Variants in APC observed in about 807,000 individuals in gnomAD.
APC encodes APC regulator of Wnt signaling pathway, also known as adenomatous polyposis coli protein.
A neutral mutation model predicts 247.0 loss-of-function variants in APC; 72 were observed. The observed-to-expected ratio is 0.29, with a 90% CI of 0.24 to 0.35. APC has a LOEUF of 0.35. Ranked by LOEUF, APC falls within the 10% of genes least tolerant of loss-of-function variation. The probability of loss-of-function intolerance (pLI) is 1.00; values close to 1 mark genes in which losing one functional copy is unlikely to be tolerated. For missense variants in APC, 3,400 were observed against 3,360.7 expected, an observed-to-expected ratio of 1.01 and a Z score of -0.29; for synonymous variants, 1,254 against 1,162.5, an observed-to-expected ratio of 1.08 and a Z score of -1.60.
chr5:112,824,341 T>C (rs1221641719), intron 11 of APC, among the ~76,000 whole-genome samples: 1 of 152,252 alleles, frequency 6.6e-6, no homozygotes, highest in Non-Finnish European at 1.5e-5. Context: ...AATCCATTTA[T>C]AGGTTTAACC....
In APC at chr5:112,815,518, T is replaced by C. The variant is rs876659340; in HGVS notation, c.858T>C (p.His286=). The C allele has an allele frequency of 6.2e-7, 1 of 1,612,068 alleles. No homozygotes were observed. Among genetic ancestry groups the C allele is most frequent in the Non-Finnish European group, 8.5e-7 (1 of 1,178,632 alleles). Residue 286 remains histidine (H), a synonymous_variant, in exon 9 of 16, where the codon CAT becomes CAC. Coordinates refer to ENST00000257430, the MANE Select transcript of APC (RefSeq NM_000038.6). ...NGQGSTTRMD[H]ETASVLSSSS... is the part of the protein sequence containing the mutation. Reference sequence around the variant, plus strand: ...AGGGTTCAACTACACGAATGGACCATGAAACAGCCAGTGTTTTGAGTTCTA... The same window carrying C: ...AGGGTTCAACTACACGAATGGACCACGAAACAGCCAGTGTTTTGAGTTCTA...
At chr5:112,810,428 A>G (rs749622616) in intron 8 of APC, 13 of 201,132 alleles carry the variant, frequency 6.5e-5, no homozygotes, top group Admixed American at 1.7e-4. Context: ...ACAGTTTTAT[A>G]TGATACAAAA....
chr5:112,801,144 A>G, intron 7 of APC, 135 bp from the exon 8 acceptor site: 2 of 652,826 alleles, frequency 3.1e-6, no homozygotes, highest in Admixed American at 2.5e-5. Flanking sequence ...ATGAAGTGTA[A>G]TACACAGTTC....
In APC at chr5:112,843,098, G is replaced by A. The variant is rs2229995; in HGVS notation, c.7504G>A (p.Gly2502Ser). Residue 2502 changes from glycine (G) to serine (S), a missense_variant, in exon 16 of 16, where the codon GGT becomes AGT. By Grantham distance (56) the Gly-to-Ser change is moderately conservative. Transcript: ENST00000257430. This position sits in a 1 kb window ranked among gnomAD's most constrained non-coding sequence, Gnocchi z 4.8. ...ATCCACACATTCGTCTGTTCAGGCT[G>A]GTGGATGGCGAAAACTCCCACCTAA... is the stretch of plus-strand genomic sequence containing the variant. The part of the protein sequence containing the change: ...SLSTHSSVQA[G>S]GWRKLPPNLS... 0.02 allele frequency: 32,195 copies of A among 1,613,962 alleles called. 412 individuals carry two copies. Among genetic ancestry groups the A allele is most frequent in the South Asian group, 0.026 (2,407 of 91,076 alleles).
chr5:112,817,387 A>G (rs772549685), intron 9 of APC, among the ~76,000 whole-genome samples: 1 of 152,184 alleles, frequency 6.6e-6, no homozygotes, highest in Non-Finnish European at 1.5e-5. Context: ...TATTCTCACT[A>G]TGAGGCTTAA....
At chr5:112,726,305 C>T (rs752565346) in intron 1 of APC, among the ~76,000 whole-genome samples, 1 of 152,088 alleles carries the variant, frequency 6.6e-6, no homozygotes, top group Non-Finnish European at 1.5e-5. Flanking sequence ...TGGGTTTTAT[C>T]GAGTTGTGGA....
Position 112,775,612 on chromosome 5 carries a change from T to TTAA in APC, c.423-17_423-16insTAA. 2.6e-6 allele frequency: 3 copies of TTAA among 1,171,330 alleles called. No individual in the cohort carries two copies. Among genetic ancestry groups the TTAA allele is most frequent in the Non-Finnish European group, 2.4e-6 (2 of 835,082 alleles). 72.6% of individuals were successfully genotyped at this position (1,171,330 alleles called of 1,614,324 possible). On this transcript the variant is annotated splice_polypyrimidine_tract_variant and intron_variant, in intron 4 of 15. Coordinates refer to ENST00000257430, the MANE Select transcript of APC (RefSeq NM_000038.6). ...AGCATTGTTTAAACGTACCTTTTTTTAAAAAAAAAAAAATAGGTCATTGCT... is the reference window on the plus strand; with the variant it reads ...AGCATTGTTTAAACGTACCTTTTTTTTAAAAAAAAAAAAAAATAGGTCATTGCT...
Position 112,707,668 on chromosome 5 carries a change from G to C in APC, c.-50G>C, listed in dbSNP as rs778974265. On this transcript the variant is annotated 5_prime_UTR_variant, in exon 1 of 14. Transcript: ENST00000507379. The stretch of plus-strand genomic sequence containing the variant: ...TTCCCAGGTACTGTTGTTGGCTGTT[G>C]GTGAGGAAGGTGAAGCACTCAGTTG... 4.4e-6 allele frequency: 6 copies of C among 1,369,410 alleles called. No individual in the cohort carries two copies. The South Asian group carries it at 7.3e-5, about 17-fold the overall frequency. 84.8% of individuals were successfully genotyped at this position (1,369,410 alleles called of 1,614,324 possible). A position where few individuals can be genotyped will look rare whatever the true frequency, so the allele number is the denominator to read the frequency against.
chr5:112,721,068 G>C (rs1453574197), intron 1 of APC, among the ~76,000 whole-genome samples: 1 of 152,122 alleles, frequency 6.6e-6, no homozygotes, highest in African/African-American at 2.4e-5. Context: ...AGGGAATGTT[G>C]AATTTGGAGA....
intron 1 of APC, among the ~76,000 whole-genome samples, chr5:112,725,428 C>T (rs949165889): frequency 1.3e-5 from 2 of 151,994 alleles, no homozygotes; most frequent in African/African-American, 4.8e-5. Flanking sequence ...TTCTTAATAT[C>T]AGAATAGTGT....
chr5:112,726,064 G>A (rs1233841631), intron 1 of APC, among the ~76,000 whole-genome samples: 1 of 152,186 alleles, frequency 6.6e-6, no homozygotes, highest in Non-Finnish European at 1.5e-5. Context: ...GGAGCACACA[G>A]ACGGGCAGGT....
chr5:112,814,711 T>C (rs1580508095), intron 8 of APC, among the ~76,000 whole-genome samples: 1 of 152,316 alleles, frequency 6.6e-6, no homozygotes, highest in East Asian at 1.9e-4. Context: ...CTGCCTGAAG[T>C]CCAGTGACTC....
chr5:112,748,663 A>T (rs1369674430), intron 1 of APC, among the ~76,000 whole-genome samples: 1 of 152,026 alleles, frequency 6.6e-6, no homozygotes, highest in Non-Finnish European at 1.5e-5. Context: ...GGAGTTTGAG[A>T]CCAGCCTGGC....
chr5:112,780,418 A>G (rs1195506085), intron 5 of APC, among the ~76,000 whole-genome samples: 1 of 152,204 alleles, frequency 6.6e-6, no homozygotes, highest in Non-Finnish European at 1.5e-5. Flanking sequence ...TATGTTGTCC[A>G]CGTTAATATG....
chr5:112,717,009 TTTG>T (rs889554450), intron 1 of APC, among the ~76,000 whole-genome samples: 6 of 152,142 alleles, frequency 3.9e-5, no homozygotes, highest in Admixed American at 6.5e-5. Flanking sequence ...TGTTTGTTTG[TTTG>T]TTGTTGTTGT....
intron 4 of APC, among the ~76,000 whole-genome samples, chr5:112,767,698 T>C (rs1756518131): frequency 6.6e-6 from 1 of 152,096 alleles, no homozygotes; most frequent in South Asian, 2.1e-4. Context: ...TGGCATGATC[T>C]CGGCTCACTG....
chr5:112,834,924 G>A (rs1274673286), intron 14 of APC, 27 bp from the exon 15 acceptor site: 1 of 1,592,034 alleles, frequency 6.3e-7, no homozygotes. Context: ...ACTCTAATTA[G>A]ATGACCCATA....
At chr5:112,722,794 G>A (rs886539955) in intron 1 of APC, among the ~76,000 whole-genome samples, 1 of 152,140 alleles carries the variant, frequency 6.6e-6, no homozygotes, top group Non-Finnish European at 1.5e-5. Flanking sequence ...CCTTCTCTGG[G>A]TGTACCAACC....
chr5:112,785,032 C>T (rs1178662113), intron 6 of APC, among the ~76,000 whole-genome samples: 1 of 151,960 alleles, frequency 6.6e-6, no homozygotes, highest in Non-Finnish European at 1.5e-5. Context: ...CCACTGCACT[C>T]CAACCTGGGT....
Sources: allele counts gnomAD v4.1 joint callset (sites outside exome capture counted in the v4.1 genomes callset), GRCh38; gene constraint gnomAD v4.1.1; non-coding constraint Gnocchi (gnomAD v3.1); transcripts MANE v1.5; gene names NCBI Gene and HGNC (gene_info 2026-07-23, HGNC 2026-07-21).